Variants in CDC14B observed in about 807,000 individuals in gnomAD.
The protein encoded by CDC14B is cell division cycle 14B.
In CDC14B, 22 loss-of-function variants were observed where a neutral mutation model predicts 64.2. The ratio of observed to expected loss-of-function variants is 0.34; its 90% CI spans 0.24 to 0.49. CDC14B has a LOEUF of 0.49. CDC14B is among the 20% of genes least tolerant of loss of function. The probability of loss-of-function intolerance (pLI) is 0.99; values close to 1 mark genes in which losing one functional copy is unlikely to be tolerated. For synonymous variants in CDC14B, 191 were observed against 215.8 expected, an observed-to-expected ratio of 0.89 and a Z score of 1.01; for missense variants, 498 against 629.9, an observed-to-expected ratio of 0.79 and a Z score of 2.24.
chr9:96,499,707 T>A (rs1211738742), downstream of CDC14B, among the ~76,000 whole-genome samples: 2 of 152,214 alleles, frequency 1.3e-5, no homozygotes, highest in Non-Finnish European at 2.9e-5. Context: ...CAGATGTGGC[T>A]CTATGTGGAC....
In CDC14B at chr9:96,523,267, G is replaced by A. The variant is rs1329257868; in HGVS notation, c.1239C>T (p.Pro413=). 1.2e-5 allele frequency: 20 copies of A among 1,613,766 alleles called. No individual in the cohort carries two copies. The highest frequency in any genetic ancestry group is 1.5e-5 in the Non-Finnish European group (18 of 1,179,882). The part of the protein sequence containing the change: ...NGVENQDQQE[P]EPYSDDDEIN... ...ACAGAAACGGCTTGATTACCGGTTC[G>A]GGTTCTTGCTGATCTTGATTCTCGA... Residue 413 remains proline, a synonymous_variant, in exon 11 of 14, where the codon CCC becomes CCT. Transcript: ENST00000375241.
At chr9:96,547,712 C>T (rs927312882) in intron 5 of CDC14B, among the ~76,000 whole-genome samples, 16 of 151,998 alleles carry the variant, frequency 1.1e-4, no homozygotes, top group Admixed American at 1.3e-4. Context: ...CTCAGCCTTC[C>T]GAAGTGCTGG....
rs1270093005 is a variant in CDC14B at position 96,515,195 on chromosome 9, T to C, written c.1344-5406A>G. On this transcript the variant is annotated intron_variant, in intron 12 of 13. Coordinates refer to ENST00000375241, the MANE Select transcript of CDC14B (RefSeq NM_033331.4). This position sits in a 1 kb window ranked among gnomAD's most constrained non-coding sequence, Gnocchi z 4.3. Reference sequence around the variant, plus strand: ...CGAGGCTACAAAATCACATATTTAATGAAAGTAGATCAGTGGGAAAAATGC... The same window carrying C: ...CGAGGCTACAAAATCACATATTTAACGAAAGTAGATCAGTGGGAAAAATGC... 6.6e-6 allele frequency among the ~76,000 whole-genome samples: 1 copy of C among 152,192 alleles called. No homozygotes were observed. The highest frequency in any genetic ancestry group is 1.9e-4 in the East Asian group (1 of 5,194).
At chr9:96,574,206 A>C (rs993084060) in intron 1 of CDC14B, among the ~76,000 whole-genome samples, 1 of 152,136 alleles carries the variant, frequency 6.6e-6, no homozygotes, top group African/African-American at 2.4e-5. Flanking sequence ...AACTTAGAAG[A>C]ATTTAGGCAG....
chr9:96,542,469 C>T (rs1730382087), intron 5 of CDC14B, among the ~76,000 whole-genome samples: 2 of 151,888 alleles, frequency 1.3e-5, no homozygotes, highest in Non-Finnish European at 2.9e-5. Flanking sequence ...AGACTTTTAC[C>T]CATTTAACTG....
intron 7 of CDC14B, among the ~76,000 whole-genome samples, chr9:96,537,564 G>A (rs1008658411): frequency 3.3e-5 from 5 of 152,198 alleles, no homozygotes; most frequent in East Asian, 1.9e-4. Flanking sequence ...CAAACTGGCA[G>A]GTCAAAGTTG....
chr9:96,614,573 G>A (rs1847509655), intron 1 of CDC14B, among the ~76,000 whole-genome samples: 1 of 152,158 alleles, frequency 6.6e-6, no homozygotes, highest in Admixed American at 6.5e-5. Context: ...ATAGATATAT[G>A]CAGTAGTGTT....
At chr9:96,609,494 T>C (rs1204849625) in intron 1 of CDC14B, among the ~76,000 whole-genome samples, 26 of 152,208 alleles carry the variant, frequency 1.7e-4, no homozygotes, top group Admixed American at 1.7e-3. Flanking sequence ...TTAATAACAC[T>C]TGGCCCAATT....
At chr9:96,554,394 C>T (rs1467857474) in intron 4 of CDC14B, among the ~76,000 whole-genome samples, 2 of 152,142 alleles carry the variant, frequency 1.3e-5, no homozygotes, top group Non-Finnish European at 2.9e-5. Context: ...CTTGTGATTA[C>T]AGTTCTTTGG....
chr9:96,518,037 T>G (rs1271360199), intron 12 of CDC14B, among the ~76,000 whole-genome samples: 2 of 151,948 alleles, frequency 1.3e-5, no homozygotes, highest in East Asian at 3.9e-4. Context: ...CTCCTCCCAT[T>G]TGGAAGGGCA....
At chr9:96,596,722 G>A (rs1212284675) in intron 1 of CDC14B, among the ~76,000 whole-genome samples, 1 of 152,032 alleles carries the variant, frequency 6.6e-6, no homozygotes, top group Non-Finnish European at 1.5e-5. Flanking sequence ...TTAGCCAAGA[G>A]TAGTGGCATG....
chr9:96,514,982 T>C, intron 12 of CDC14B: 1 of 960,762 alleles, frequency 1.0e-6, no homozygotes, highest in Non-Finnish European at 1.2e-6. Context: ...ACAATGACCA[T>C]CATATGGAAA....
At chr9:96,549,971 TG>T (rs1841562557) in intron 5 of CDC14B, among the ~76,000 whole-genome samples, 1 of 152,216 alleles carries the variant, frequency 6.6e-6, no homozygotes, top group Non-Finnish European at 1.5e-5. Context: ...CAGTGCGAAA[TG>T]TGTGAGCATG....
At chr9:96,560,451 T>C (rs1455223858) in intron 4 of CDC14B, among the ~76,000 whole-genome samples, 1 of 152,212 alleles carries the variant, frequency 6.6e-6, no homozygotes, top group African/African-American at 2.4e-5. Flanking sequence ...AAAGTTGTCA[T>C]GATTTATGTT....
chr9:96,565,280 C>T, intron 2 of CDC14B, 113 bp downstream of exon 2: 3 of 624,968 alleles, frequency 4.8e-6, no homozygotes, highest in Non-Finnish European at 5.5e-6. Flanking sequence ...AAACAAGCAT[C>T]CTGTAATTAG....
chr9:96,542,577 C>T (rs1840215442), intron 5 of CDC14B, among the ~76,000 whole-genome samples: 1 of 151,928 alleles, frequency 6.6e-6, no homozygotes, highest in Non-Finnish European at 1.5e-5. Flanking sequence ...CAGCCTCAAA[C>T]TCCTGGGTTT....
At chr9:96,550,291 G>T (rs918027304) in intron 5 of CDC14B, among the ~76,000 whole-genome samples, 3 of 152,228 alleles carry the variant, frequency 2.0e-5, no homozygotes, top group African/African-American at 7.2e-5. Context: ...CTGGGTTCAA[G>T]CCAATTCTAA....
At chr9:96,566,018 T>C (rs1843859707) in intron 1 of CDC14B, among the ~76,000 whole-genome samples, 1 of 152,198 alleles carries the variant, frequency 6.6e-6, no homozygotes, top group Admixed American at 6.5e-5. Flanking sequence ...TAACTTGGAA[T>C]CACTACTTCG....
Position 96,573,793 on chromosome 9 carries a change from T to C in CDC14B, c.161-8310A>G, listed in dbSNP as rs1297194787. 3.9e-5 allele frequency among the ~76,000 whole-genome samples: 6 copies of C among 152,202 alleles called. No individual in the cohort carries two copies. The East Asian group carries it at 9.6e-4, about 24-fold the overall frequency. On this transcript the variant is annotated intron_variant, in intron 1 of 13. Coordinates refer to ENST00000375241, the MANE Select transcript of CDC14B (RefSeq NM_033331.4). ...AATAAATTACATGGAATATGACATG[T>C]TAATACATGTAAATTAATCCAGAAG...
Sources: allele counts gnomAD v4.1 joint callset (sites outside exome capture counted in the v4.1 genomes callset), GRCh38; gene constraint gnomAD v4.1.1; non-coding constraint Gnocchi (gnomAD v3.1); transcripts MANE v1.5; gene names NCBI Gene and HGNC (gene_info 2026-07-23, HGNC 2026-07-21).